NEMP2: variants seen among roughly 807,000 people sequenced by gnomAD.
NEMP2 encodes nuclear envelope integral membrane protein 2.
A neutral mutation model predicts 54.2 loss-of-function variants in NEMP2; 53 were observed. That is an observed-to-expected ratio of 0.98 (90% confidence interval 0.78 to 1.23). The LOEUF is 1.23. Ranked by LOEUF, NEMP2 falls within the 50% of genes most tolerant of loss-of-function variation. NEMP2 has a pLI of 0.00. For synonymous variants in NEMP2, 197 were observed against 190.3 expected (o/e 1.04, Z -0.29); for missense variants, 455 against 511.3 (o/e 0.89, Z 1.06).
At chr2:190,472,119 T>C in the NEMP2 span, among the ~76,000 whole-genome samples, 2 of 152,046 alleles carry the variant, frequency 1.3e-5, no homozygotes, top group Non-Finnish European at 2.9e-5. Flanking sequence ...CCAAAGGTAG[T>C]TAAAACCACA....
At chr2:190,450,505 T>TTC in the NEMP2 span, among the ~76,000 whole-genome samples, 1 of 144,778 alleles carries the variant, frequency 6.9e-6, no homozygotes, top group Non-Finnish European at 1.5e-5. Flanking sequence ...TTTTTTTTTT[T>TTC]TTTTGAGACA....
chr2:190,458,988 T>C, the NEMP2 span, among the ~76,000 whole-genome samples: 1 of 152,226 alleles, frequency 6.6e-6, no homozygotes, highest in Non-Finnish European at 1.5e-5. This position sits in a 1 kb window ranked among gnomAD's most constrained non-coding sequence, Gnocchi z 5.3. Flanking sequence ...ACATCTGTTG[T>C]ACTGACTGCT....
At chr2:190,439,558 A>C in the NEMP2 span, among the ~76,000 whole-genome samples, 1 of 152,132 alleles carries the variant, frequency 6.6e-6, no homozygotes. This position sits in a 1 kb window ranked among gnomAD's most constrained non-coding sequence, Gnocchi z 5.8. Context: ...ATAAAATCCT[A>C]GTGGGTTTAC....
the NEMP2 span, among the ~76,000 whole-genome samples, chr2:190,584,519 G>T: frequency 6.6e-6 from 1 of 152,086 alleles, no homozygotes; most frequent in Non-Finnish European, 1.5e-5. This position sits in a 1 kb window ranked among gnomAD's most constrained non-coding sequence, Gnocchi z 4.2. Context: ...TCAAACTTGT[G>T]TAAGAGCACA....
intron 4 of NEMP2, 104 bp from the exon 5 acceptor site, chr2:190,517,717 A>G (rs543597916): frequency 4.7e-5 from 37 of 790,918 alleles, no homozygotes; most frequent in Admixed American, 8.0e-5. Flanking sequence ...CACTAAGAAC[A>G]GAAAACTCAG....
In NEMP2 at chr2:190,508,518, G is replaced by A. The variant is rs866573014; in HGVS notation, c.*671C>T. 1.3e-5 allele frequency: 2 copies of A among 152,170 alleles called. No homozygotes were observed. The allele number at this position is 152,170 out of a possible 1,614,324, so 9.4% of individuals were successfully genotyped here. ...ACCACCATTAGCATTTTCCAAACGT[G>A]TTCCAAGGAATATTAATCTCATGAA... On this transcript the variant is annotated 3_prime_UTR_variant, in exon 9 of 9. Transcript: ENST00000409150. The surrounding 1 kb of genome is among the most constrained non-coding windows in gnomAD (Gnocchi z 4.3).
At chr2:190,541,236 C>T in the NEMP2 span, among the ~76,000 whole-genome samples, 1 of 151,462 alleles carries the variant, frequency 6.6e-6, no homozygotes, top group Non-Finnish European at 1.5e-5. The surrounding 1 kb of genome is among the most constrained non-coding windows in gnomAD (Gnocchi z 5.2). Flanking sequence ...ATATTTACTA[C>T]TTCTGTTCTT....
chr2:190,624,197 A>C, the NEMP2 span, among the ~76,000 whole-genome samples: 1,195 of 152,348 alleles, frequency 7.8e-3, 20 homozygotes, highest in African/African-American at 0.028. Context: ...GTATTAAAAA[A>C]ATGGTCAACA....
In NEMP2 at chr2:190,520,050, T is replaced by C. The variant is rs903464026; in HGVS notation, c.214-867A>G. Among the ~76,000 whole-genome samples, 1 of 152,188 alleles carries C rather than the reference T, an allele frequency of 6.6e-6. No individual in the cohort carries two copies. The highest frequency in any genetic ancestry group is 2.4e-5 in the African/African-American group (1 of 41,434). The stretch of plus-strand genomic sequence containing the variant: ...CAGTATAGTAGAAACATAACTTTTA[T>C]AGGTACTAGGAAACCAAAAAATTTG... On this transcript the variant is annotated intron_variant, in intron 2 of 8. Transcript: ENST00000409150. This position sits in a 1 kb window ranked among gnomAD's most constrained non-coding sequence, Gnocchi z 5.4.
the NEMP2 span, among the ~76,000 whole-genome samples, chr2:190,458,386 CAGGG>C: frequency 6.6e-6 from 1 of 152,110 alleles, no homozygotes. The surrounding 1 kb of genome is among the most constrained non-coding windows in gnomAD (Gnocchi z 5.3). Flanking sequence ...GGCGATGACA[CAGGG>C]AGAGGATGAC....
At chr2:190,559,700 C>T in the NEMP2 span, among the ~76,000 whole-genome samples, 25 of 152,168 alleles carry the variant, frequency 1.6e-4, no homozygotes, top group African/African-American at 5.8e-4. The surrounding 1 kb of genome is among the most constrained non-coding windows in gnomAD (Gnocchi z 4.0). Context: ...GAGTTAGCAA[C>T]AAAAAGAGGT....
chr2:190,436,746 C>G, the NEMP2 span: 3 of 1,614,202 alleles, frequency 1.9e-6, no homozygotes, highest in Non-Finnish European at 2.5e-6. This position sits in a 1 kb window ranked among gnomAD's most constrained non-coding sequence, Gnocchi z 5.3. Flanking sequence ...GTATGATGGA[C>G]TTGACTTTGA....
the NEMP2 span, among the ~76,000 whole-genome samples, chr2:190,595,630 G>T: frequency 6.6e-6 from 1 of 152,064 alleles, no homozygotes; most frequent in Non-Finnish European, 1.5e-5. The surrounding 1 kb of genome is among the most constrained non-coding windows in gnomAD (Gnocchi z 4.0). Flanking sequence ...CATTTATGTG[G>T]CCAACAAACA....
At chr2:190,474,702 C>T in the NEMP2 span, among the ~76,000 whole-genome samples, 1 of 152,190 alleles carries the variant, frequency 6.6e-6, no homozygotes, top group Non-Finnish European at 1.5e-5. Context: ...GGGAATCCTC[C>T]CTAACTCATT....
chr2:190,556,007 T>C, the NEMP2 span, among the ~76,000 whole-genome samples: 1 of 152,162 alleles, frequency 6.6e-6, no homozygotes, highest in Non-Finnish European at 1.5e-5. Flanking sequence ...TACCAAAACC[T>C]GGCAGAGACA....
chr2:190,550,290 G>T, the NEMP2 span, among the ~76,000 whole-genome samples: 1 of 152,132 alleles, frequency 6.6e-6, no homozygotes, highest in African/African-American at 2.4e-5. The surrounding 1 kb of genome is among the most constrained non-coding windows in gnomAD (Gnocchi z 4.7). Context: ...CCAGTTTATA[G>T]GTGGCTCCTT....
chr2:190,474,793 T>A, the NEMP2 span, among the ~76,000 whole-genome samples: 12 of 152,316 alleles, frequency 7.9e-5, no homozygotes, highest in Admixed American at 2.0e-4. Flanking sequence ...ATATTCCTGA[T>A]GAAGATAGAT....
At chr2:190,478,001 A>G in the NEMP2 span, among the ~76,000 whole-genome samples, 1 of 152,230 alleles carries the variant, frequency 6.6e-6, no homozygotes, top group East Asian at 1.9e-4. Context: ...CTCTTCAGGG[A>G]GCATAAGTGG....
At chr2:190,570,924 A>G in the NEMP2 span, among the ~76,000 whole-genome samples, 5 of 152,238 alleles carry the variant, frequency 3.3e-5, no homozygotes, top group Non-Finnish European at 5.9e-5. This position sits in a 1 kb window ranked among gnomAD's most constrained non-coding sequence, Gnocchi z 5.4. Flanking sequence ...AAAGGTTAAC[A>G]TAAGCATTAA....
Sources: allele counts gnomAD v4.1 joint callset (sites outside exome capture counted in the v4.1 genomes callset), GRCh38; gene constraint gnomAD v4.1.1; non-coding constraint Gnocchi (gnomAD v3.1); transcripts MANE v1.5; gene names NCBI Gene and HGNC (gene_info 2026-07-23, HGNC 2026-07-21).